The following ADAM9 variants were observed in gnomAD, a reference collection of about 807,000 sequenced individuals.
The protein encoded by ADAM9 is ADAM metallopeptidase domain 9.
A neutral mutation model predicts 108.1 loss-of-function variants in ADAM9; 54 were observed. The observed-to-expected ratio is 0.50, with a 90% CI of 0.40 to 0.63. ADAM9 has a LOEUF of 0.63. Ranked by LOEUF, ADAM9 falls within the 20% of genes least tolerant of loss-of-function variation. ADAM9 has a pLI of 0.00. For missense variants in ADAM9, 830 were observed against 997.7 expected (o/e 0.83, Z 2.26); for synonymous variants, 316 against 336.0 (o/e 0.94, Z 0.65).
At chr8:39,060,769 A>G (rs766059529) in intron 14 of ADAM9, among the ~76,000 whole-genome samples, 35 of 152,340 alleles carry the variant, frequency 2.3e-4, no homozygotes, top group Middle Eastern at 3.4e-3. Context: ...AAAGGTAATC[A>G]AGATCCCCAA....
Position 39,105,206 on chromosome 8 carries a change from C to T in ADAM9, c.*1506C>T, listed in dbSNP as rs1381670334. The T allele has an allele frequency of 2.3e-6, 1 of 442,072 alleles. No homozygotes were observed. The highest frequency in any genetic ancestry group is 4.5e-6 in the Non-Finnish European group (1 of 223,250). The allele number at this position is 442,072 out of a possible 1,614,324, so 27.4% of individuals were successfully genotyped here. A position where few individuals can be genotyped will look rare whatever the true frequency, so the allele number is the denominator to read the frequency against. ...GGCAAAAATTTCAGTTTTCTGAAGA[C>T]AGCATGTTATTTTAACAATCAAGTA... On this transcript the variant is annotated 3_prime_UTR_variant, in exon 22 of 22. Coordinates refer to ENST00000487273, the MANE Select transcript of ADAM9 (RefSeq NM_003816.3).
rs869059346 is a variant in ADAM9 at position 39,023,740 on chromosome 8, G to GTTTTTTT, written c.914+432_914+438dup. 7.7e-4 allele frequency among the ~76,000 whole-genome samples: 61 copies of GTTTTTTT among 78,902 alleles called. 2 individuals are homozygous for GTTTTTTT. Among genetic ancestry groups the GTTTTTTT allele is most frequent in the African/African-American group, 1.3e-3 (25 of 18,752 alleles). 51.8% of individuals were successfully genotyped at this position (78,902 alleles called of 152,430 possible). A position where few individuals can be genotyped will look rare whatever the true frequency, so the allele number is the denominator to read the frequency against. On this transcript the variant is annotated intron_variant, in intron 9 of 21. Transcript: ENST00000487273. ...CATGCTTTGAGTTTCTTTTGCGTTTGTTTTTTTTTTTTTTTTTTTTTTTGG... is the reference window on the plus strand; with the variant it reads ...CATGCTTTGAGTTTCTTTTGCGTTTGTTTTTTTTTTTTTTTTTTTTTTTTTTTTTTGG...
At chr8:39,026,634 T>C (rs757076325) in intron 10 of ADAM9, 43 bp from the exon 11 acceptor site, 1 of 1,613,808 alleles carries the variant, frequency 6.2e-7, no homozygotes, top group Non-Finnish European at 8.5e-7. Context: ...AAACATTTTC[T>C]TTGCGTTCAG....
At chr8:39,004,785 G>A (rs185633072) in intron 1 of ADAM9, among the ~76,000 whole-genome samples, 62 of 152,294 alleles carry the variant, frequency 4.1e-4, no homozygotes, top group Admixed American at 2.5e-3. Flanking sequence ...TTTGTAAACT[G>A]TCATGGTGCT....
chr8:39,101,635 CT>C (rs1839697521), intron 20 of ADAM9, among the ~76,000 whole-genome samples: 1 of 152,110 alleles, frequency 6.6e-6, no homozygotes, highest in Non-Finnish European at 1.5e-5. Flanking sequence ...AATGACTTTT[CT>C]GTTTAGACTT....
chr8:39,073,425 T>A (rs1289260294), intron 15 of ADAM9, among the ~76,000 whole-genome samples: 1 of 152,230 alleles, frequency 6.6e-6, no homozygotes, highest in African/African-American at 2.4e-5. Context: ...TAGCAAATTC[T>A]TTTCATTTCT....
intron 12 of ADAM9, among the ~76,000 whole-genome samples, chr8:39,042,436 A>C (rs1406484596): frequency 3.3e-5 from 5 of 152,068 alleles, no homozygotes; most frequent in Non-Finnish European, 7.4e-5. Flanking sequence ...CTTTATTTGT[A>C]AGCTTTCACC....
At position 39,084,446 on chromosome 8, in the gene ADAM9, C is replaced by CT. The variant is rs151294356; in HGVS notation, c.2068+1382dup. On this transcript the variant is annotated intron_variant, in intron 18 of 21. Transcript: ENST00000487273. ...TCAGTTCTGAATACCTTCTAATATGCTTTTTTTTTCTTTGACTTACAGGTT... is the reference window on the plus strand; with the variant it reads ...TCAGTTCTGAATACCTTCTAATATGCTTTTTTTTTTCTTTGACTTACAGGTT... Among the ~76,000 whole-genome samples, 1,265 of 148,348 alleles carry CT rather than the reference C, an allele frequency of 8.5e-3. 18 individuals are homozygous for CT. The highest frequency in any genetic ancestry group is 0.029 in the African/African-American group (1,187 of 40,442).
At chr8:39,067,233 G>A (rs1838510547) in intron 14 of ADAM9, among the ~76,000 whole-genome samples, 1 of 152,096 alleles carries the variant, frequency 6.6e-6, no homozygotes, top group Admixed American at 6.6e-5. Flanking sequence ...TTGGCAATGT[G>A]GGCTCTTTTT....
chr8:38,998,396 A>AT (rs34340783), intron 1 of ADAM9, among the ~76,000 whole-genome samples: 75 of 151,782 alleles, frequency 4.9e-4, no homozygotes, highest in South Asian at 2.1e-3. Context: ...TTAATCTGTG[A>AT]TTTTTTTTTG....
chr8:39,015,363 T>C (rs1232833817), intron 4 of ADAM9: 1 of 152,218 alleles, frequency 6.6e-6, no homozygotes. Flanking sequence ...TTCTTAAAAC[T>C]GCCAAAAATT....
At chr8:39,052,389 A>C (rs1435383348) in intron 12 of ADAM9, among the ~76,000 whole-genome samples, 1 of 151,840 alleles carries the variant, frequency 6.6e-6, no homozygotes, top group African/African-American at 2.4e-5. Flanking sequence ...ATATGTTCTA[A>C]TATTCTTTAT....
At chr8:39,065,908 C>A (rs182320623) in intron 14 of ADAM9, among the ~76,000 whole-genome samples, 15 of 152,266 alleles carry the variant, frequency 9.9e-5, no homozygotes, top group Middle Eastern at 3.4e-3. Context: ...CCACTCCCCC[C>A]ACCCCATGAC....
intron 14 of ADAM9, among the ~76,000 whole-genome samples, chr8:39,064,074 G>C (rs1838381757): frequency 6.6e-6 from 1 of 152,104 alleles, no homozygotes; most frequent in African/African-American, 2.4e-5. Context: ...GGAGCAACCA[G>C]GCAATCTCAT....
intron 12 of ADAM9, among the ~76,000 whole-genome samples, chr8:39,049,441 G>GTTT (rs559508620): frequency 1.5e-5 from 2 of 134,830 alleles, no homozygotes; most frequent in Non-Finnish European, 3.2e-5. Flanking sequence ...ATTTTTTATA[G>GTTT]TTTTTTTTTT....
chr8:39,048,459 CT>C (rs1305486168), intron 12 of ADAM9, among the ~76,000 whole-genome samples: 2 of 152,088 alleles, frequency 1.3e-5, no homozygotes, highest in African/African-American at 4.8e-5. Context: ...TGATTTCAGT[CT>C]TCTTAAATTT....
chr8:39,033,064 A>T (rs529267595), intron 11 of ADAM9, among the ~76,000 whole-genome samples: 1 of 152,306 alleles, frequency 6.6e-6, no homozygotes, highest in East Asian at 1.9e-4. Flanking sequence ...AGCATGAAAT[A>T]TCTCTCCATT....
Position 39,091,251 on chromosome 8 carries a change from T to C in ADAM9, c.2211-8T>C. ...TTAATTTAGATCAAAAGTAATTGTA[T>C]CTTTCAGGTCAGATGGCAAAAATCA... On this transcript the variant is annotated splice_polypyrimidine_tract_variant and splice_region_variant and intron_variant, in intron 19 of 21. Transcript: ENST00000487273. 1 of 1,612,546 alleles carries C rather than the reference T, an allele frequency of 6.2e-7. No homozygotes were observed. The highest frequency in any genetic ancestry group is 8.5e-7 in the Non-Finnish European group (1 of 1,178,590).
chr8:39,042,283 CCTT>C (rs1011817617), intron 12 of ADAM9, among the ~76,000 whole-genome samples, 166 bp downstream of exon 12: 7 of 152,144 alleles, frequency 4.6e-5, no homozygotes, highest in South Asian at 4.1e-4. Context: ...TTGGTCATCT[CCTT>C]CTTCTCAGAG....
Sources: allele counts gnomAD v4.1 joint callset (sites outside exome capture counted in the v4.1 genomes callset), GRCh38; gene constraint gnomAD v4.1.1; transcripts MANE v1.5; gene names NCBI Gene and HGNC (gene_info 2026-07-23, HGNC 2026-07-21).